OTUD7A: variants seen among roughly 807,000 people sequenced by gnomAD.
The protein encoded by OTUD7A is OTU domain-containing protein 7A.
A neutral mutation model predicts 65.7 loss-of-function variants in OTUD7A; 12 were observed. The observed-to-expected ratio is 0.18, with a 90% confidence interval of 0.12 to 0.30. The LOEUF is 0.30. Ranked by LOEUF, OTUD7A falls within the 10% of genes least tolerant of loss-of-function variation. The pLI is 1.00. For synonymous variants in OTUD7A, 641 were observed against 586.3 expected (o/e 1.09, Z -1.35); for missense variants, 1,148 against 1,304.8 (o/e 0.88, Z 1.85).
At chr15:31,611,256 A>G (rs1015742602) in intron 3 of OTUD7A, among the ~76,000 whole-genome samples, 8 of 152,218 alleles carry the variant, frequency 5.3e-5, no homozygotes, top group African/African-American at 1.9e-4. Flanking sequence ...CTAGAGAAAC[A>G]AGAACAAACC....
chr15:31,679,019 C>A (rs1160027227), intron 1 of OTUD7A, among the ~76,000 whole-genome samples: 1 of 152,242 alleles, frequency 6.6e-6, no homozygotes, highest in Non-Finnish European at 1.5e-5. Flanking sequence ...AGGAGCTCAC[C>A]TGTTCCATCA....
At chr15:31,608,513 C>T (rs114001882) in intron 3 of OTUD7A, among the ~76,000 whole-genome samples, 134 of 152,298 alleles carry the variant, frequency 8.8e-4, no homozygotes, top group African/African-American at 3.1e-3. Context: ...AGACCATACA[C>T]ATAAGCATGG....
chr15:31,852,206 G>A (rs140288841), intron 1 of OTUD7A, among the ~76,000 whole-genome samples: 182 of 152,304 alleles, frequency 1.2e-3, no homozygotes, highest in African/African-American at 4.2e-3. Context: ...ATTGAAGACA[G>A]TAAGTGTGGG....
At chr15:31,530,430 C>T (rs890826627) in intron 6 of OTUD7A, among the ~76,000 whole-genome samples, 2 of 152,160 alleles carry the variant, frequency 1.3e-5, no homozygotes, top group African/African-American at 2.4e-5. Flanking sequence ...TTGTACCAGG[C>T]GACGGTCTCT....
In OTUD7A at chr15:31,548,967, C is replaced by T. The variant is rs1322433332; in HGVS notation, c.550+10002G>A. On this transcript the variant is annotated intron_variant, in intron 5 of 12. Coordinates refer to ENST00000307050, the MANE Select transcript of OTUD7A (RefSeq NM_001382637.1). Reference sequence around the variant, plus strand: ...ACTGACCAACATGGCAAAACCCCATCTCTACCAAAAATATAAAAATTAGCC... The same window carrying T: ...ACTGACCAACATGGCAAAACCCCATTTCTACCAAAAATATAAAAATTAGCC... Among the ~76,000 whole-genome samples the T allele has an allele frequency of 2.6e-5, 4 of 151,976 alleles. 1 individual carries two copies. The South Asian group carries it at 8.3e-4, about 32-fold the overall frequency.
At chr15:31,619,838 CTG>C (rs1425325134) in intron 3 of OTUD7A, among the ~76,000 whole-genome samples, 1 of 152,182 alleles carries the variant, frequency 6.6e-6, no homozygotes, top group African/African-American at 2.4e-5. Flanking sequence ...GCATCCCTGT[CTG>C]TGCCAGTTTT....
rs145274832 is a variant in OTUD7A, at chr15:31,533,529, G to A, written c.551-2721C>T. 6.0e-4 allele frequency among the ~76,000 whole-genome samples: 91 copies of A among 152,220 alleles called. 2 individuals carry two copies. The East Asian group carries it at 0.014, about 24-fold the overall frequency. On this transcript the variant is annotated intron_variant, in intron 5 of 12. Transcript: ENST00000307050. ...TGGAATTACAGGCATGAGCCACCACGCCCAGCCAAGATAATATTTTTTAAG... is the reference window on the plus strand; with the variant it reads ...TGGAATTACAGGCATGAGCCACCACACCCAGCCAAGATAATATTTTTTAAG...
At chr15:31,577,817 A>AG (rs1160615597) in intron 3 of OTUD7A, among the ~76,000 whole-genome samples, 1 of 110,840 alleles carries the variant, frequency 9.0e-6, no homozygotes, top group Non-Finnish European at 1.8e-5. Context: ...ATTTGATTCC[A>AG]GTAAAAAAAA....
intron 10 of OTUD7A, among the ~76,000 whole-genome samples, chr15:31,489,417 C>T (rs1319235712): frequency 2.0e-5 from 3 of 152,196 alleles, no homozygotes; most frequent in Non-Finnish European, 4.4e-5. Context: ...CATTTTGGGT[C>T]TGGCTGTCCA....
intron 3 of OTUD7A, among the ~76,000 whole-genome samples, chr15:31,640,717 ACTT>A (rs1256181932): frequency 6.6e-6 from 1 of 150,878 alleles, no homozygotes; most frequent in African/African-American, 2.4e-5. Flanking sequence ...TAAAAAAACT[ACTT>A]TATTGTATAT....
At chr15:31,546,557 G>A (rs954324829) in intron 5 of OTUD7A, among the ~76,000 whole-genome samples, 20 of 152,170 alleles carry the variant, frequency 1.3e-4, no homozygotes, top group African/African-American at 4.3e-4. Flanking sequence ...GAAGGCAGCC[G>A]TTTACAAGAT....
At chr15:31,770,194 GA>G (rs1317178727) in intron 1 of OTUD7A, among the ~76,000 whole-genome samples, 3 of 152,062 alleles carry the variant, frequency 2.0e-5, no homozygotes, top group Non-Finnish European at 4.4e-5. Context: ...AATAATTCAA[GA>G]GAGTACAGAA....
chr15:31,520,428 G>T (rs1332548641), intron 8 of OTUD7A, among the ~76,000 whole-genome samples: 1 of 152,118 alleles, frequency 6.6e-6, no homozygotes, highest in Non-Finnish European at 1.5e-5. Flanking sequence ...ATTTAGTGTT[G>T]GGAAAATTGC....
At chr15:31,588,510 T>A (rs765523156) in intron 3 of OTUD7A, among the ~76,000 whole-genome samples, 1 of 152,204 alleles carries the variant, frequency 6.6e-6, no homozygotes, top group African/African-American at 2.4e-5. Flanking sequence ...CTTTCTAAGC[T>A]GGGTATTTTC....
chr15:31,504,316 G>A (rs376569922), intron 8 of OTUD7A, among the ~76,000 whole-genome samples: 1 of 152,084 alleles, frequency 6.6e-6, no homozygotes, highest in East Asian at 1.9e-4. Flanking sequence ...CCCAATGGAG[G>A]AGAACAGTGA....
At chr15:31,613,458 A>G (rs1284119129) in intron 3 of OTUD7A, among the ~76,000 whole-genome samples, 4 of 152,210 alleles carry the variant, frequency 2.6e-5, no homozygotes, top group Non-Finnish European at 5.9e-5. Context: ...CAAGAAAAAA[A>G]CAAACAATCC....
At chr15:31,768,329 G>A (rs946639635) in intron 1 of OTUD7A, 6 of 606,972 alleles carry the variant, frequency 9.9e-6, no homozygotes, top group East Asian at 2.7e-5. Flanking sequence ...AGAGGGCTGC[G>A]TGGATTGGCC....
intron 1 of OTUD7A, among the ~76,000 whole-genome samples, chr15:31,812,532 C>T (rs1162444768): frequency 6.6e-6 from 1 of 152,122 alleles, no homozygotes; most frequent in African/African-American, 2.4e-5. Context: ...TTTCATGGGC[C>T]AGTAAAAAGA....
At chr15:31,737,748 A>C (rs182071783) in intron 1 of OTUD7A, among the ~76,000 whole-genome samples, 1 of 152,330 alleles carries the variant, frequency 6.6e-6, no homozygotes, top group East Asian at 1.9e-4. Flanking sequence ...AACTGGATAG[A>C]CTGAATGTGT....
Sources: gnomAD v4.1 joint callset for allele counts (sites outside exome capture counted in the v4.1 genomes callset) on GRCh38, gnomAD v4.1.1 for gene constraint, MANE v1.5 for transcripts, NCBI Gene and HGNC (gene_info 2026-07-23, HGNC 2026-07-21) for gene names.